Variants in AHRR observed in about 807,000 individuals in gnomAD.
AHRR encodes aryl hydrocarbon receptor repressor, also known as ahR repressor.
Under a neutral mutation model 44.0 loss-of-function variants are expected in AHRR, and 28 were observed. The ratio of observed to expected loss-of-function variants is 0.64; its 90% confidence interval spans 0.47 to 0.87. AHRR has a LOEUF of 0.87. Among genes scored for constraint, AHRR ranks in the 40% least tolerant of loss-of-function variants. The pLI, the probability that AHRR is intolerant of heterozygous loss-of-function variation, is 0.00. For synonymous variants in AHRR, 434 were observed against 407.0 expected (o/e 1.07, Z -0.80); for missense variants, 990 against 953.9 (o/e 1.04, Z -0.50).
At chr5:322,304 AGCGATGTGGC>A (rs1321069434) in intron 1 of AHRR, among the ~76,000 whole-genome samples, 1 of 152,034 alleles carries the variant, frequency 6.6e-6, no homozygotes, top group Non-Finnish European at 1.5e-5. Flanking sequence ...GCCCTGAGAG[AGCGATGTGGC>A]GCCTGGAGTC....
chr5:346,589 C>T (rs1324357001), intron 2 of AHRR, among the ~76,000 whole-genome samples: 2 of 152,208 alleles, frequency 1.3e-5, no homozygotes, highest in African/African-American at 2.4e-5. Flanking sequence ...CCGTCGCCCA[C>T]CCCCGGGGGA....
In AHRR at chr5:413,388, A is replaced by C; in HGVS notation, c.396A>C (p.Ile132=). ...TGGTCGTGAGTGCAGAAGGGACGAT[A>C]TTTTATGCATCAGCAACGATCGTGG... The part of the protein sequence containing the change: ...FALVVSAEGT[I]FYASATIVDY... Residue 132 remains isoleucine (I), a synonymous_variant, in exon 5 of 11, where the codon ATA becomes ATC. Coordinates refer to ENST00000684583, the MANE Select transcript of AHRR (RefSeq NM_001377236.1). 2 of 1,613,706 alleles carry C rather than the reference A, an allele frequency of 1.2e-6. No individual in the cohort carries two copies. Among genetic ancestry groups the C allele is most frequent in the South Asian group, 2.2e-5 (2 of 91,032 alleles).
At chr5:431,593 C>T (rs911361017) in intron 8 of AHRR, among the ~76,000 whole-genome samples, 1 of 152,112 alleles carries the variant, frequency 6.6e-6, no homozygotes, top group Non-Finnish European at 1.5e-5. Flanking sequence ...CAGCCTCCAG[C>T]GGCCCCCAAC....
chr5:404,343 T>C lies in AHRR; in HGVS notation c.352-9001T>C. On this transcript the variant is annotated intron_variant, in intron 4 of 10. Transcript: ENST00000684583. This position sits in a 1 kb window ranked among gnomAD's most constrained non-coding sequence, Gnocchi z 4.1. ...TACTAAAAGCTGTTTCACTCTTTTT[T>C]TTTTCTTTTTTCCTTCATTCTGGGT... 1 of 489,878 alleles carries C rather than the reference T, an allele frequency of 2.0e-6. No individual in the cohort carries two copies. Among genetic ancestry groups the C allele is most frequent in the Middle Eastern group, 3.9e-4 (1 of 2,556 alleles). The allele number at this position is 489,878 out of a possible 1,614,324, so 30.3% of individuals were successfully genotyped here.
intron 7 of AHRR, among the ~76,000 whole-genome samples, chr5:426,781 AATGGATAGGAAGATGGATGG>A (rs1736423428): frequency 7.6e-6 from 1 of 131,624 alleles, no homozygotes; most frequent in African/African-American, 2.9e-5. Context: ...CAGATGGATG[AATGGATAGGAAGATGGATGG>A]ATGGATGGAT....
chr5:421,418 A>G, intron 5 of AHRR: 3 of 552,656 alleles, frequency 5.4e-6, no homozygotes, highest in Non-Finnish European at 9.7e-6. Context: ...TCAGAGGCAC[A>G]GGCAGAAGCA....
chr5:333,044 C>T (rs1330063478), intron 1 of AHRR, among the ~76,000 whole-genome samples: 1 of 151,410 alleles, frequency 6.6e-6, no homozygotes, highest in African/African-American at 2.4e-5. Context: ...TTCCCCACCC[C>T]ACCCCCCGCC....
chr5:391,426 G>C (rs368128409), intron 4 of AHRR, among the ~76,000 whole-genome samples: 5,634 of 64,588 alleles, frequency 0.087, 349 homozygotes, highest in African/African-American at 0.15. Context: ...CGTGCACGGG[G>C]GCAGGGCGAG....
intron 4 of AHRR, among the ~76,000 whole-genome samples, chr5:389,534 T>G (rs2126466492): frequency 6.6e-6 from 1 of 152,160 alleles, no homozygotes; most frequent in East Asian, 2.0e-4. Context: ...GAGGAGCCCT[T>G]AGCCACCCAG....
At chr5:382,172 C>G (rs1320769412) in intron 4 of AHRR, among the ~76,000 whole-genome samples, 1 of 152,184 alleles carries the variant, frequency 6.6e-6, no homozygotes, top group Admixed American at 6.5e-5. Flanking sequence ...CATGGTAACG[C>G]TGGCTTCTTA....
At chr5:376,556 G>GTGGGGTGAACGCGGGGAAACACAGGAC in intron 3 of AHRR, 54 bp from the exon 4 acceptor site, 1 of 1,434,910 alleles carries the variant, frequency 7.0e-7, no homozygotes, top group Non-Finnish European at 9.4e-7. Context: ...GAATGAAGAA[G>GTGGGGTGAACGCGGGGAAACACAGGAC]AGTGGCCAGG....
At chr5:382,112 T>C (rs545898936) in intron 4 of AHRR, among the ~76,000 whole-genome samples, 1 of 152,306 alleles carries the variant, frequency 6.6e-6, no homozygotes, top group East Asian at 1.9e-4. Context: ...AGAAATACTT[T>C]TTGTGGTTTT....
rs1487832222 is a variant in AHRR at position 434,085 on chromosome 5, ATC to A, written c.1350_1351del (p.His451ProfsTer22). 3.7e-6 allele frequency: 6 copies of A among 1,612,512 alleles called. No individual in the cohort carries two copies. The highest frequency in any genetic ancestry group is 4.2e-6 in the Non-Finnish European group (5 of 1,179,870). On this transcript the variant is annotated frameshift_variant, in exon 11 of 11. Transcript: ENST00000684583. ...CCAGGGCACTTTCAGGAACTCGCCC[ATC>A]TCTCACCCGCCGAGCCCGTCCCCCA... is the stretch of plus-strand genomic sequence containing the variant. ...CVQGTFRNSPISHPPSPSPSA... is the reference protein window; with the variant it reads ...CVQGTFRNSPXSHPPSPSPSA...
chr5:392,584 T>C (rs1734516011), intron 4 of AHRR, among the ~76,000 whole-genome samples: 1 of 152,314 alleles, frequency 6.6e-6, no homozygotes, highest in Admixed American at 6.5e-5. Context: ...ACTCGTTATG[T>C]AAGCGTGTGA....
At chr5:355,819 C>T (rs925148093) in intron 3 of AHRR, among the ~76,000 whole-genome samples, 4 of 152,254 alleles carry the variant, frequency 2.6e-5, no homozygotes, top group Non-Finnish European at 5.9e-5. Flanking sequence ...CTCTCAGGGG[C>T]CACCGGCTTA....
At chr5:324,744 A>G (rs13179218) in intron 1 of AHRR, among the ~76,000 whole-genome samples, 99,596 of 152,002 alleles carry the variant, frequency 0.66, 33,183 homozygotes, top group African/African-American at 0.7. Context: ...AGCCAAAGTC[A>G]CACCATTGCA....
intron 4 of AHRR, among the ~76,000 whole-genome samples, chr5:410,539 T>C (rs1249448894): frequency 9.3e-6 from 1 of 107,334 alleles, no homozygotes; most frequent in African/African-American, 3.5e-5. Context: ...AGCTTGTCGC[T>C]TTCTATAAAA....
At chr5:427,764 C>A in intron 7 of AHRR, 43 bp from the exon 8 acceptor site, 2 of 1,611,664 alleles carry the variant, frequency 1.2e-6, no homozygotes, top group South Asian at 2.2e-5. Context: ...CCTTGCCAGG[C>A]CACTTGGTGA....
Position 344,848 on chromosome 5 carries a change from T to G in AHRR, c.62+884T>G, listed in dbSNP as rs562905224. ...GGGGGACTGTAGGGAGCTGTGTGTGTGGGGTGTGTGAGACTGTGCAGGTGT... is the reference window on the plus strand; with the variant it reads ...GGGGGACTGTAGGGAGCTGTGTGTGGGGGGTGTGTGAGACTGTGCAGGTGT... On this transcript the variant is annotated intron_variant, in intron 2 of 10. Coordinates refer to ENST00000684583, the MANE Select transcript of AHRR (RefSeq NM_001377236.1). Among the ~76,000 whole-genome samples the G allele has an allele frequency of 6.0e-4, 56 of 93,142 alleles. 2 individuals carry two copies. The highest frequency in any genetic ancestry group is 9.0e-4 in the South Asian group (3 of 3,324). The allele number at this position is 93,142 out of a possible 152,430, so 61.1% of individuals were successfully genotyped here.
Sources: gnomAD v4.1 joint callset for allele counts (sites outside exome capture counted in the v4.1 genomes callset) on GRCh38, gnomAD v4.1.1 for gene constraint, Gnocchi (gnomAD v3.1) non-coding constraint, MANE v1.5 for transcripts, NCBI Gene and HGNC (gene_info 2026-07-23, HGNC 2026-07-21) for gene names.